The following BSN variants were observed in gnomAD, a reference collection of about 807,000 sequenced individuals.
The protein encoded by BSN is bassoon presynaptic cytomatrix protein.
A neutral mutation model predicts 264.8 loss-of-function variants in BSN; 57 were observed. The ratio of observed to expected loss-of-function variants is 0.22; its 90% CI spans 0.17 to 0.27. The LOEUF is 0.27. Among genes scored for constraint, BSN ranks in the 10% least tolerant of loss-of-function variants. The probability of loss-of-function intolerance (pLI) is 1.00; values close to 1 mark genes in which losing one functional copy is unlikely to be tolerated. For missense variants in BSN, 4,615 were observed against 5,232.5 expected, an observed-to-expected ratio of 0.88 and a Z score of 3.64; for synonymous variants, 2,059 against 2,137.3, an observed-to-expected ratio of 0.96 and a Z score of 1.01.
At chr3:49,562,847 C>T (rs1301369962) in intron 1 of BSN, among the ~76,000 whole-genome samples, 1 of 152,296 alleles carries the variant, frequency 6.6e-6, no homozygotes, top group Admixed American at 6.5e-5. Context: ...TGGAAGCATG[C>T]TGGCTGGGGG....
chr3:49,558,676 C>T (rs1213018227), intron 1 of BSN, among the ~76,000 whole-genome samples: 2 of 152,170 alleles, frequency 1.3e-5, no homozygotes, highest in Admixed American at 6.5e-5. Flanking sequence ...TAGAGATCTT[C>T]TTTGTCCCCA....
intron 1 of BSN, among the ~76,000 whole-genome samples, chr3:49,589,663 C>T (rs1362925702): frequency 1.3e-5 from 2 of 150,732 alleles, no homozygotes; most frequent in South Asian, 2.1e-4. Flanking sequence ...CATGCCACCA[C>T]GCCCGGCTCA....
At chr3:49,598,783 C>T (rs1214951068) in intron 1 of BSN, among the ~76,000 whole-genome samples, 1 of 152,060 alleles carries the variant, frequency 6.6e-6, no homozygotes, top group Non-Finnish European at 1.5e-5. Context: ...TATACTCTCA[C>T]TATTGTTATT....
intron 1 of BSN, among the ~76,000 whole-genome samples, chr3:49,567,787 A>G (rs928965830): frequency 1.3e-5 from 2 of 152,234 alleles, no homozygotes; most frequent in African/African-American, 4.8e-5. Context: ...GAATTTGGGC[A>G]GAGCACAGTA....
intron 1 of BSN, among the ~76,000 whole-genome samples, chr3:49,596,881 A>G (rs1254067288): frequency 6.6e-6 from 1 of 151,960 alleles, no homozygotes; most frequent in Non-Finnish European, 1.5e-5. Context: ...TTTGTCAAAT[A>G]CTTTTTCTGT....
intron 2 of BSN, among the ~76,000 whole-genome samples, chr3:49,639,920 C>T (rs1440739523): frequency 6.6e-6 from 1 of 152,242 alleles, no homozygotes; most frequent in African/African-American, 2.4e-5. Flanking sequence ...GCAGTGTTCT[C>T]CCTCTTCTTG....
rs770311309 is a variant in BSN at position 49,655,899 on chromosome 3, C to T, written c.6343C>T (p.His2115Tyr). ...LNSMDQYGGR[H>Y]GSGGGGPDLV... Reference sequence around the variant, plus strand: ...CTCCATGGACCAGTATGGTGGGCGGCATGGCAGTGGTGGTGGTGGCCCTGA... The same window carrying T: ...CTCCATGGACCAGTATGGTGGGCGGTATGGCAGTGGTGGTGGTGGCCCTGA... Residue 2115 changes from histidine to tyrosine, a missense_variant, in exon 5 of 12, where the codon CAT becomes TAT. Coordinates refer to ENST00000296452, the MANE Select transcript of BSN (RefSeq NM_003458.4). 1 of 1,612,438 alleles carries T rather than the reference C, an allele frequency of 6.2e-7. No individual in the cohort carries two copies. The highest frequency in any genetic ancestry group is 1.7e-5 in the Admixed American group (1 of 60,014).
chr3:49,656,063 T>C lies in BSN; in HGVS notation c.6507T>C (p.Pro2169=). 6.2e-7 allele frequency: 1 copy of C among 1,609,216 alleles called. No individual in the cohort carries two copies. ...PSPGNLAQYG[P]AAGQGTAVRQ... ...CTGGGAACTTGGCCCAGTATGGGCC[T>C]GCAGCAGGCCAAGGAACAGCAGTCA... is the stretch of plus-strand genomic sequence containing the variant. Residue 2169 remains proline, a synonymous_variant, in exon 5 of 12, where the codon CCT becomes CCC. Transcript: ENST00000296452.
At chr3:49,561,832 A>G (rs967484492) in intron 1 of BSN, among the ~76,000 whole-genome samples, 2 of 151,754 alleles carry the variant, frequency 1.3e-5, no homozygotes, top group Admixed American at 6.6e-5. Flanking sequence ...TTTTGAGACA[A>G]AGTCTCACTC....
chr3:49,625,025 C>T lies in BSN; in HGVS notation c.275C>T (p.Ala92Val), dbSNP rs144629080. The T allele has an allele frequency of 6.3e-5, 100 of 1,575,702 alleles. No homozygotes were observed. The highest frequency in any genetic ancestry group is 8.2e-5 in the Non-Finnish European group (95 of 1,164,156). Reference protein sequence around the residue: ...PKEPLGNQRAASPTPKQASAT... With the variant: ...PKEPLGNQRAVSPTPKQASAT... ...GAACCCCTGGGTAACCAGAGAGCAG[C>T]TTCCCCAACTCCGAAGCAGGCTTCT... is the stretch of plus-strand genomic sequence containing the variant. Residue 92 changes from alanine to valine, a missense_variant, in exon 2 of 12, where the codon GCT (alanine) becomes GTT (valine). This residue lies in a region of BSN where 1,197 missense variants were observed against 1,348.0 expected (regional missense o/e 0.89). Coordinates refer to ENST00000296452, the MANE Select transcript of BSN (RefSeq NM_003458.4). This position sits in a 1 kb window ranked among gnomAD's most constrained non-coding sequence, Gnocchi z 4.4.
chr3:49,583,185 T>A (rs2051908197), intron 1 of BSN, among the ~76,000 whole-genome samples: 1 of 152,030 alleles, frequency 6.6e-6, no homozygotes, highest in African/African-American at 2.4e-5. Context: ...GCCAGGCTGG[T>A]CTCAAACTCC....
intron 2 of BSN, among the ~76,000 whole-genome samples, chr3:49,633,080 G>T (rs2052393461): frequency 6.6e-6 from 1 of 152,130 alleles, no homozygotes; most frequent in Non-Finnish European, 1.5e-5. Context: ...GCTGAGGCGG[G>T]TGGATCACCT....
intron 1 of BSN, among the ~76,000 whole-genome samples, chr3:49,558,226 A>G (rs529876960): frequency 6.6e-6 from 1 of 152,342 alleles, no homozygotes; most frequent in South Asian, 2.1e-4. Context: ...ATAGAGATAA[A>G]TGGCATAAAG....
At chr3:49,562,477 A>G (rs560579458) in intron 1 of BSN, among the ~76,000 whole-genome samples, 137 of 152,360 alleles carry the variant, frequency 9.0e-4, no homozygotes, top group Non-Finnish European at 1.3e-3. Flanking sequence ...TTTGTCTCAC[A>G]GAGGTAAGAG....
Position 49,655,919 on chromosome 3 carries a change from C to T in BSN, c.6363C>T (p.Gly2121=). ...GGCGGCATGGCAGTGGTGGTGGTGG[C>T]CCTGACCTTGTGCAGTACCAGCCCC... ...YGGRHGSGGG[G]PDLVQYQPQH... Residue 2121 remains glycine (G), a synonymous_variant, in exon 5 of 12, where the codon GGC becomes GGT. Transcript: ENST00000296452. The T allele has an allele frequency of 6.2e-7, 1 of 1,611,728 alleles. No homozygotes were observed.
At chr3:49,583,318 G>A (rs1195122346) in intron 1 of BSN, among the ~76,000 whole-genome samples, 2 of 152,134 alleles carry the variant, frequency 1.3e-5, no homozygotes, top group Non-Finnish European at 2.9e-5. Flanking sequence ...CAGAAATAAA[G>A]CCCAATAGAA....
At position 49,660,883 on chromosome 3, in the gene BSN, C is replaced by T. The variant is rs140696444; in HGVS notation, c.9038C>T (p.Ser3013Leu). The change falls in exon 6 of 12, where the codon TCG (serine) becomes TTG (leucine). Residue 3013 changes from serine (S) to leucine (L), a missense_variant. This residue lies in a region of BSN where 3,415 missense variants were observed against 3,866.4 expected (regional missense o/e 0.88). Coordinates refer to ENST00000296452, the MANE Select transcript of BSN (RefSeq NM_003458.4). The surrounding 1 kb of genome is among the most constrained non-coding windows in gnomAD (Gnocchi z 7.1). ...CTTGGCGAGCATCGTGACTACCTAT[C>T]GGACAGTGAGCTCAACCAGCTGCGG... Reference protein sequence around the residue: ...RGLGEHRDYLSDSELNQLRLQ... With the variant: ...RGLGEHRDYLLDSELNQLRLQ... 1.1e-3 allele frequency: 1,754 copies of T among 1,613,030 alleles called. 2 individuals are homozygous for T. Among genetic ancestry groups the T allele is most frequent in the Non-Finnish European group, 1.3e-3 (1,504 of 1,180,010 alleles).
At chr3:49,605,296 ATATATTATATAT>A in intron 1 of BSN, among the ~76,000 whole-genome samples, 1 of 101,448 alleles carries the variant, frequency 9.9e-6, no homozygotes, top group African/African-American at 3.9e-5. Flanking sequence ...TATATATTTT[ATATATTATATAT>A]TATATTATAT....
intron 1 of BSN, among the ~76,000 whole-genome samples, chr3:49,590,801 G>A (rs1220961111): frequency 1.3e-5 from 2 of 151,716 alleles, no homozygotes; most frequent in African/African-American, 4.8e-5. Flanking sequence ...AACCTTATAT[G>A]ATCTTTTTAA....
Sources: gnomAD v4.1 joint callset for allele counts (sites outside exome capture counted in the v4.1 genomes callset) on GRCh38, gnomAD v4.1.1 for gene constraint, gnomAD v4.1.1 regional missense constraint, Gnocchi (gnomAD v3.1) non-coding constraint, MANE v1.5 for transcripts, NCBI Gene and HGNC (gene_info 2026-07-23, HGNC 2026-07-21) for gene names.